RIMS2: variants seen among roughly 807,000 people sequenced by gnomAD.
The protein encoded by RIMS2 is regulating synaptic membrane exocytosis protein 2.
RIMS2 carries 59 observed loss-of-function variants against 174.4 expected under a neutral mutation model. That is an observed-to-expected ratio of 0.34 (90% CI 0.27 to 0.42). The LOEUF is 0.42. RIMS2 is among the 10% of genes least tolerant of loss of function. The probability of loss-of-function intolerance (pLI) is 1.00; values close to 1 mark genes in which losing one functional copy is unlikely to be tolerated. For missense variants in RIMS2, 1,620 were observed against 1,666.3 expected (o/e 0.97, Z 0.48); for synonymous variants, 606 against 572.5 (o/e 1.06, Z -0.84).
intron 19 of RIMS2, among the ~76,000 whole-genome samples, chr8:104,041,959 G>A (rs2154557710): frequency 6.6e-6 from 1 of 151,592 alleles, no homozygotes; most frequent in East Asian, 1.9e-4. Flanking sequence ...CTTGGATGAG[G>A]TAACATTTGA....
chr8:104,152,897 A>G (rs1397852734), intron 19 of RIMS2, among the ~76,000 whole-genome samples: 2 of 152,118 alleles, frequency 1.3e-5, no homozygotes, highest in Non-Finnish European at 2.9e-5. Context: ...AATGATTTCA[A>G]TATTTTGAGA....
chr8:103,752,066 C>G (rs556078493), intron 2 of RIMS2, among the ~76,000 whole-genome samples: 8 of 152,108 alleles, frequency 5.3e-5, no homozygotes, highest in African/African-American at 7.2e-5. Context: ...TTTTCTTCTA[C>G]GGTTTTTCTG....
intron 7 of RIMS2, 150 bp downstream of exon 10, chr8:103,915,744 A>T (rs960244126): frequency 3.1e-4 from 136 of 439,416 alleles, no homozygotes; most frequent in Non-Finnish European, 4.7e-4. Context: ...AGGCAAAACT[A>T]TTATTTCTTG....
chr8:103,766,622 G>A, intron 3 of RIMS2, 85 bp downstream of exon 6: 3 of 863,152 alleles, frequency 3.5e-6, no homozygotes, highest in Non-Finnish European at 5.3e-6. Context: ...AAATGTTTAG[G>A]CAATGGTGAG....
chr8:103,763,670 G>C (rs564203869), intron 2 of RIMS2, among the ~76,000 whole-genome samples: 2 of 152,260 alleles, frequency 1.3e-5, no homozygotes, highest in South Asian at 4.1e-4. Flanking sequence ...AACACATGGA[G>C]AGTCTTTAAT....
intron 15 of RIMS2, among the ~76,000 whole-genome samples, chr8:103,969,137 G>C (rs56317008): frequency 0.13 from 19,251 of 151,778 alleles, 1,678 homozygotes; most frequent in Non-Finnish European, 0.19. Context: ...CTTCTTTCAA[G>C]GGTTTTTCTT....
At chr8:103,948,784 G>C (rs181213408) in intron 14 of RIMS2, among the ~76,000 whole-genome samples, 51 of 152,052 alleles carry the variant, frequency 3.4e-4, no homozygotes, top group African/African-American at 1.2e-3. Context: ...GAAAATTTCT[G>C]AACTGTATAC....
In RIMS2 at chr8:103,559,056, C is replaced by CTTTTTTTTTTTTTTTTTTTTTTT. The variant is rs397952535; in HGVS notation, c.176+58006_176+58007insTTTTTTTTTTTTTTTTTTTTTTT. 205 of 98,998 alleles carry CTTTTTTTTTTTTTTTTTTTTTTT rather than the reference C, an allele frequency of 2.1e-3. 55 individuals carry two copies. Among genetic ancestry groups the CTTTTTTTTTTTTTTTTTTTTTTT allele is most frequent in the South Asian group, 2.9e-3 (9 of 3,078 alleles). The allele number at this position is 98,998 out of a possible 1,614,324, so 6.1% of individuals were successfully genotyped here. On this transcript the variant is annotated intron_variant, in intron 1 of 23. Transcript: ENST00000504942. ...TGGTGGCCTTTCAGATATTTTTTAA[C>CTTTTTTTTTTTTTTTTTTTTTTT]TTTTTTTTTTTTGCTCTCTGATCAT...
At chr8:104,011,016 T>A (rs952188649) in intron 17 of RIMS2, among the ~76,000 whole-genome samples, 4 of 152,158 alleles carry the variant, frequency 2.6e-5, no homozygotes, top group African/African-American at 7.2e-5. Flanking sequence ...AATTATATAT[T>A]CTCATCTTAA....
intron 16 of RIMS2, among the ~76,000 whole-genome samples, chr8:103,983,525 G>C (rs901423757): frequency 1.3e-5 from 2 of 152,136 alleles, no homozygotes; most frequent in African/African-American, 2.4e-5. Context: ...AACTGAAAAA[G>C]CATGGTACTG....
intron 19 of RIMS2, among the ~76,000 whole-genome samples, chr8:104,163,562 G>A (rs534172810): frequency 9.2e-5 from 14 of 152,240 alleles, no homozygotes; most frequent in South Asian, 2.1e-4. Context: ...AAAATCAACC[G>A]TGTAGGATCT....
exon 23 of RIMS2, chr8:104,251,102 T>C: frequency 6.2e-7 from 1 of 1,613,702 alleles, no homozygotes; most frequent in Non-Finnish European, 8.5e-7. Flanking sequence ...AGAAAAACGC[T>C]GGAACCCCTT....
chr8:104,124,996 G>A (rs1391402476), intron 19 of RIMS2, among the ~76,000 whole-genome samples: 1 of 152,094 alleles, frequency 6.6e-6, no homozygotes, highest in Non-Finnish European at 1.5e-5. Context: ...TAGTGAGTGG[G>A]GAGTAGCTGC....
intron 1 of RIMS2, among the ~76,000 whole-genome samples, chr8:103,560,172 C>T (rs193029376): frequency 1.2e-3 from 179 of 152,284 alleles, no homozygotes; most frequent in South Asian, 2.3e-3. Flanking sequence ...AAACAAGGGA[C>T]ATCGATGAAT....
At chr8:103,942,848 T>G in exon 14 of RIMS2, 1 of 1,613,130 alleles carries the variant, frequency 6.2e-7, no homozygotes, top group Non-Finnish European at 8.5e-7. Context: ...TGATGTCTCT[T>G]CATTGCCACT....
At chr8:103,695,731 T>TTTTG (rs992877739) in intron 1 of RIMS2, among the ~76,000 whole-genome samples, 1 of 151,810 alleles carries the variant, frequency 6.6e-6, no homozygotes, top group African/African-American at 2.4e-5. Flanking sequence ...GACAGTTTTT[T>TTTTG]TTTGTTTGTT....
rs73293848 is a variant in RIMS2 at position 103,886,272 on chromosome 8, T to G, written c.1624+49T>G. On this transcript the variant is annotated intron_variant, in intron 4 of 23. Transcript: ENST00000504942. ...TGCTGTAATTGATTAGATAAGCGTTTTTTTTAATAGATTGCATTTCTGAGT... is the reference window on the plus strand; with the variant it reads ...TGCTGTAATTGATTAGATAAGCGTTGTTTTTAATAGATTGCATTTCTGAGT... 4.9e-3 allele frequency: 7,219 copies of G among 1,479,754 alleles called. 273 individuals carry two copies. The African/African-American group carries it at 0.089, about 18-fold the overall frequency. 91.7% of individuals were successfully genotyped at this position (1,479,754 alleles called of 1,614,324 possible).
chr8:103,665,877 T>C (rs1359126801), intron 1 of RIMS2, among the ~76,000 whole-genome samples: 1 of 152,196 alleles, frequency 6.6e-6, no homozygotes, highest in African/African-American at 2.4e-5. Flanking sequence ...AACTAAAAAA[T>C]GTTTTTCTTC....
At chr8:103,729,331 A>G (rs887974973) in intron 2 of RIMS2, among the ~76,000 whole-genome samples, 10 of 151,618 alleles carry the variant, frequency 6.6e-5, no homozygotes, top group African/African-American at 1.2e-4. Context: ...GAATTTATCT[A>G]TTTTTTCTAG....
Sources: gnomAD v4.1 joint callset for allele counts (sites outside exome capture counted in the v4.1 genomes callset) on GRCh38, gnomAD v4.1.1 for gene constraint, MANE v1.5 for transcripts, NCBI Gene and HGNC (gene_info 2026-07-23, HGNC 2026-07-21) for gene names.